ZNF821: variants seen among roughly 807,000 people sequenced by gnomAD.
ZNF821 encodes zinc finger protein 821.
A neutral mutation model predicts 44.3 loss-of-function variants in ZNF821; 16 were observed. That is an observed-to-expected ratio of 0.36 (90% CI 0.24 to 0.55). ZNF821 has a LOEUF of 0.55. Among genes scored for constraint, ZNF821 ranks in the 20% least tolerant of loss-of-function variants. The probability of loss-of-function intolerance (pLI) is 0.86; values close to 1 mark genes in which losing one functional copy is unlikely to be tolerated. For missense variants in ZNF821, 436 were observed against 547.6 expected (o/e 0.80, Z 2.03); for synonymous variants, 204 against 197.6 (o/e 1.03, Z -0.27).
chr16:71,889,694 A>G (rs1251654185), upstream of ZNF821, among the ~76,000 whole-genome samples: 2 of 152,022 alleles, frequency 1.3e-5, no homozygotes, highest in African/African-American at 4.8e-5. Flanking sequence ...ACAAAAAACA[A>G]AACAACAACA....
upstream of ZNF821, among the ~76,000 whole-genome samples, chr16:71,887,856 CTT>C (rs555295344): frequency 3.0e-4 from 40 of 133,536 alleles, no homozygotes; most frequent in Admixed American, 3.7e-4. Context: ...ATTGAGTTGT[CTT>C]TTTTTTTTTT....
intron 3 of ZNF821, among the ~76,000 whole-genome samples, chr16:71,869,421 C>T (rs2034930836): frequency 6.6e-6 from 1 of 152,148 alleles, no homozygotes; most frequent in Admixed American, 6.5e-5. Flanking sequence ...ATTCAGCAAA[C>T]ATTCATTGGG....
At chr16:71,864,617 C>T in intron 5 of ZNF821, 2 of 452,952 alleles carry the variant, frequency 4.4e-6, no homozygotes, top group South Asian at 6.2e-5. Flanking sequence ...CTTGGGAAGT[C>T]AGCTTTCTAC....
Position 71,893,029 on chromosome 16 carries a change from CTT to C in ZNF821, n.448+1858_448+1859del, listed in dbSNP as rs1199482590. On this transcript the variant is annotated intron_variant and non_coding_transcript_variant, in intron 1 of 2. Coordinates refer to the ZNF821 transcript ENST00000561700. ...TACAGGCATGAGCCACCCTGCCTGG[CTT>C]TTTTTTTTTTTTTTTTGAGATATAG... 3.9e-4 allele frequency among the ~76,000 whole-genome samples: 26 copies of C among 65,914 alleles called. 1 individual carries two copies. The highest frequency in any genetic ancestry group is 1.5e-3 in the African/African-American group (24 of 16,030). The allele number at this position is 65,914 out of a possible 152,430, so 43.2% of individuals were successfully genotyped here.
intron 2 of ZNF821, among the ~76,000 whole-genome samples, chr16:71,881,003 T>C (rs893380496): frequency 2.0e-5 from 3 of 152,192 alleles, no homozygotes; most frequent in African/African-American, 7.2e-5. Flanking sequence ...TTAGTATTGA[T>C]AGCTGTGTCA....
At position 71,859,821 on chromosome 16, in the gene ZNF821, C is replaced by T; in HGVS notation, c.*197G>A. The T allele has an allele frequency of 1.6e-6, 1 of 636,048 alleles. No homozygotes were observed. Among genetic ancestry groups the T allele is most frequent in the South Asian group, 2.2e-5 (1 of 46,216 alleles). 39.4% of individuals were successfully genotyped at this position (636,048 alleles called of 1,614,324 possible). ...TGCCTGCTCCCTTGTCCAGAGCTGC[C>T]TTGAGCCAGGTCCCTCCTGACCCCA... is the stretch of plus-strand genomic sequence containing the variant. On this transcript the variant is annotated 3_prime_UTR_variant, in exon 8 of 8. Transcript: ENST00000425432.
chr16:71,868,391 G>A (rs2034791378), intron 3 of ZNF821, among the ~76,000 whole-genome samples: 1 of 152,172 alleles, frequency 6.6e-6, no homozygotes, highest in African/African-American at 2.4e-5. Flanking sequence ...GCAAAGTGAT[G>A]GGATGAAGAC....
chr16:71,860,656 C>G lies in ZNF821; in HGVS notation c.601G>C (p.Val201Leu). The G allele has an allele frequency of 1.2e-6, 2 of 1,612,180 alleles. No individual in the cohort carries two copies. Among genetic ancestry groups the G allele is most frequent in the Non-Finnish European group, 8.5e-7 (1 of 1,178,842 alleles). Residue 201 changes from valine to leucine, a missense_variant, in exon 8 of 8, where the codon GTA becomes CTA. Val to Leu is a conservative substitution (Grantham distance 32, BLOSUM62 1). Transcript: ENST00000425432. The surrounding 1 kb of genome is among the most constrained non-coding windows in gnomAD (Gnocchi z 7.3). ...GTGGGTAGGGATTCCATATTTAGTA[C>G]TTCAGGAAGTTTCTCACTGGAAAGG... ...ATFNSEKLPEVLNMESLPTVH... is the reference protein window; with the variant it reads ...ATFNSEKLPELLNMESLPTVH...
chr16:71,885,502 A>G (rs1443691216), upstream of ZNF821: 2 of 152,258 alleles, frequency 1.3e-5, no homozygotes, highest in Non-Finnish European at 2.9e-5. Flanking sequence ...GGCTAAAAGC[A>G]TCATGCAAAT....
chr16:71,875,327 G>A (rs12448086), intron 3 of ZNF821, among the ~76,000 whole-genome samples: 37,980 of 151,990 alleles, frequency 0.25, 4,980 homozygotes, highest in Non-Finnish European at 0.28. Flanking sequence ...CGTCGCCCAG[G>A]CTGGAGTGCA....
At chr16:71,880,168 A>C (rs1325831142) in intron 2 of ZNF821, 145 bp from the exon 3 acceptor site, 4 of 447,816 alleles carry the variant, frequency 8.9e-6, no homozygotes, top group Non-Finnish European at 1.6e-5. Flanking sequence ...AGAAAGAAAG[A>C]AATGAATAAA....
chr16:71,860,105 G>A lies in ZNF821; in HGVS notation c.1152C>T (p.Phe384=). 1 of 1,614,254 alleles carries A rather than the reference G, an allele frequency of 6.2e-7. No individual in the cohort carries two copies. Reference sequence around the variant, plus strand: ...ACTCCACCCCACTTACAGGCAGCTGGAAGAAGTTCATTTCAGCTGCTAAGG... The same window carrying A: ...ACTCCACCCCACTTACAGGCAGCTGAAAGAAGTTCATTTCAGCTGCTAAGG... The part of the protein sequence containing the change: ...MAALAAEMNF[F]QLPVSGVELD... Residue 384 remains phenylalanine, a synonymous_variant, in exon 8 of 8, where the codon TTC becomes TTT. Coordinates refer to ENST00000425432, the MANE Select transcript of ZNF821 (RefSeq NM_001201552.2). This position sits in a 1 kb window ranked among gnomAD's most constrained non-coding sequence, Gnocchi z 7.3.
intron 2 of ZNF821, chr16:71,882,099 G>A (rs891484506): frequency 1.3e-5 from 2 of 151,902 alleles, no homozygotes; most frequent in African/African-American, 2.4e-5. Flanking sequence ...GTGAAACCCC[G>A]TCTGTACTAA....
chr16:71,860,029 A>C lies in ZNF821; in HGVS notation c.1228T>G (p.Ser410Ala). The change falls in exon 8 of 8, where the codon TCT (serine) becomes GCT (alanine). Residue 410 changes from serine (S) to alanine (A), a missense_variant. Transcript: ENST00000425432. This position sits in a 1 kb window ranked among gnomAD's most constrained non-coding sequence, Gnocchi z 7.3. ...KMAFEEQNSSSLH is the reference protein window; with the variant it reads ...KMAFEEQNSSALH ...CAGGAGGGTGTGGTTCAGTGCAGAG[A>C]GCTGCTGTTCTGCTCTTCAAAGGCC... is the stretch of plus-strand genomic sequence containing the variant. The C allele has an allele frequency of 6.2e-7, 1 of 1,604,648 alleles. No homozygotes were observed. The highest frequency in any genetic ancestry group is 8.5e-7 in the Non-Finnish European group (1 of 1,175,740).
At chr16:71,889,800 G>A (rs2036876020), upstream of ZNF821, among the ~76,000 whole-genome samples, 2 of 152,102 alleles carry the variant, frequency 1.3e-5, no homozygotes, top group Non-Finnish European at 2.9e-5. Context: ...ATAAATATAA[G>A]AAATTACCCA....
At position 71,860,064 on chromosome 16, in the gene ZNF821, A is replaced by C; in HGVS notation, c.1193T>G (p.Leu398Arg). The change falls in exon 8 of 8, where the codon CTG becomes CGG. Residue 398 changes from leucine to arginine, a missense_variant. Around this residue, in one of 5 missense-constraint regions of ZNF821, gnomAD observed 55 missense variants for 56.9 expected, o/e 0.97. Coordinates refer to ENST00000425432, the MANE Select transcript of ZNF821 (RefSeq NM_001201552.2). This position sits in a 1 kb window ranked among gnomAD's most constrained non-coding sequence, Gnocchi z 7.3. Reference sequence around the variant, plus strand: ...CTGCTCTTCAAAGGCCATCTTGCCCAGAAGCTGGCTGTCCAACTCCACCCC... The same window carrying C: ...CTGCTCTTCAAAGGCCATCTTGCCCCGAAGCTGGCTGTCCAACTCCACCCC... ...VSGVELDSQLLGKMAFEEQNS... is the reference protein window; with the variant it reads ...VSGVELDSQLRGKMAFEEQNS... 1 of 1,613,890 alleles carries C rather than the reference A, an allele frequency of 6.2e-7. No individual in the cohort carries two copies. The highest frequency in any genetic ancestry group is 8.5e-7 in the Non-Finnish European group (1 of 1,179,872).
chr16:71,872,497 C>T (rs2035318716), intron 3 of ZNF821, among the ~76,000 whole-genome samples: 1 of 152,108 alleles, frequency 6.6e-6, no homozygotes, highest in Non-Finnish European at 1.5e-5. Flanking sequence ...CCTGTAGTCC[C>T]AGCTACTCGG....
Position 71,860,557 on chromosome 16 carries a change from T to C in ZNF821, c.700A>G (p.Ile234Val). The change falls in exon 8 of 8, where the codon ATT becomes GTT. Residue 234 changes from isoleucine to valine, a missense_variant. Ile to Val is a conservative substitution (Grantham distance 29). Coordinates refer to ENST00000425432, the MANE Select transcript of ZNF821 (RefSeq NM_001201552.2). This position sits in a 1 kb window ranked among gnomAD's most constrained non-coding sequence, Gnocchi z 7.3. ...AFSPPVYPAG[I>V]LLVCNNCAAY... ...GCACAGTTGTTGCACACAAGCAGAA[T>C]TCCAGCAGGGTACACTGGAGGACTA... 6.2e-7 allele frequency: 1 copy of C among 1,614,090 alleles called. No individual in the cohort carries two copies. Among genetic ancestry groups the C allele is most frequent in the African/African-American group, 1.3e-5 (1 of 74,996 alleles).
chr16:71,869,002 G>A (rs919272639), intron 3 of ZNF821, among the ~76,000 whole-genome samples: 2 of 151,982 alleles, frequency 1.3e-5, no homozygotes, highest in African/African-American at 4.8e-5. Context: ...AAGGCCCCAG[G>A]CCTATCCTTG....
Sources: gnomAD v4.1 joint callset for allele counts (sites outside exome capture counted in the v4.1 genomes callset) on GRCh38, gnomAD v4.1.1 for gene constraint, gnomAD v4.1.1 regional missense constraint, Gnocchi (gnomAD v3.1) non-coding constraint, MANE v1.5 for transcripts, NCBI Gene and HGNC (gene_info 2026-07-23, HGNC 2026-07-21) for gene names.